CHODL: variants seen among roughly 807,000 people sequenced by gnomAD.
The protein encoded by CHODL is transmembrane protein MT75.
Under a neutral mutation model 34.5 loss-of-function variants are expected in CHODL, and 29 were observed. The ratio of observed to expected loss-of-function variants is 0.84; its 90% CI spans 0.63 to 1.15. The LOEUF (loss-of-function observed/expected upper bound fraction) is 1.15, where lower values mean the gene tolerates loss of function less well. Ranked by LOEUF, CHODL falls within the 50% of genes most tolerant of loss-of-function variation. The probability of loss-of-function intolerance (pLI) is 0.00; values close to 1 mark genes in which losing one functional copy is unlikely to be tolerated. For missense variants in CHODL, 332 were observed against 332.5 expected (o/e 1.00, Z 0.01); for synonymous variants, 125 against 116.1 (o/e 1.08, Z -0.49).
Position 17,939,539 on chromosome 21 carries a change from A to G in CHODL, c.-145+22139A>G, listed in dbSNP as rs562056373. The stretch of plus-strand genomic sequence containing the variant: ...ATTAAATAATAATTAAACAATAAAT[A>G]TAAATGTTGATAAATAAAAAATTAA... On this transcript the variant is annotated intron_variant, in intron 1 of 6. Transcript: ENST00000400127. 4.6e-5 allele frequency among the ~76,000 whole-genome samples: 7 copies of G among 152,348 alleles called. No individual in the cohort carries two copies. The South Asian group carries it at 1.2e-3, about 27-fold the overall frequency.
intron 2 of CHODL, among the ~76,000 whole-genome samples, chr21:18,133,372 G>C (rs1399194333): frequency 6.6e-6 from 1 of 152,118 alleles, no homozygotes; most frequent in Non-Finnish European, 1.5e-5. Context: ...ATACCTAATA[G>C]AAAATTTCTT....
intron 2 of CHODL, among the ~76,000 whole-genome samples, chr21:18,060,181 A>G (rs1474587815): frequency 1.3e-5 from 2 of 152,092 alleles, no homozygotes; most frequent in Non-Finnish European, 2.9e-5. Context: ...CTAGCCAGGC[A>G]TGGTGGCTCA....
chr21:17,926,375 G>T (rs867907310), intron 1 of CHODL, among the ~76,000 whole-genome samples: 1,141 of 60,558 alleles, frequency 0.019, 17 homozygotes, highest in African/African-American at 0.045. Flanking sequence ...AAATAAGGTG[G>T]GTTTTTTTTT....
intron 2 of CHODL, among the ~76,000 whole-genome samples, chr21:18,144,658 A>G (rs1452745202): frequency 2.6e-5 from 4 of 152,148 alleles, no homozygotes; most frequent in Admixed American, 2.0e-4. Context: ...TAATTGCATC[A>G]GGTTATATTG....
chr21:18,120,107 A>T (rs1469897435), intron 2 of CHODL, among the ~76,000 whole-genome samples: 1 of 152,178 alleles, frequency 6.6e-6, no homozygotes, highest in Non-Finnish European at 1.5e-5. Context: ...TCACTGGAGC[A>T]AGGGGCTAAA....
At position 18,194,506 on chromosome 21, in the gene CHODL, G is replaced by A. The variant is rs141269871; in HGVS notation, c.-44-62003G>A. 6.7e-3 allele frequency among the ~76,000 whole-genome samples: 1,006 copies of A among 151,160 alleles called. 11 individuals are homozygous for A. Among genetic ancestry groups the A allele is most frequent in the African/African-American group, 0.023 (946 of 41,166 alleles). ...TCTCACGGCTATTTATTTTATTTAC[G>A]TAAATAAAACTTCTTGTGTTTCAAG... On this transcript the variant is annotated intron_variant, in intron 2 of 6. Transcript: ENST00000400127.
chr21:18,079,871 GA>G (rs1414381957), intron 2 of CHODL, among the ~76,000 whole-genome samples: 1 of 90,400 alleles, frequency 1.1e-5, no homozygotes, highest in Non-Finnish European at 3.4e-5. Flanking sequence ...TTGCTAGATT[GA>G]ATGGCAGTCC....
At chr21:18,225,260 A>T (rs904189844) in intron 2 of CHODL, among the ~76,000 whole-genome samples, 1 of 152,184 alleles carries the variant, frequency 6.6e-6, no homozygotes, top group African/African-American at 2.4e-5. Context: ...AATAAAACTT[A>T]GATTATCTTA....
chr21:17,938,412 A>T (rs1248942610), intron 1 of CHODL, among the ~76,000 whole-genome samples: 1 of 146,240 alleles, frequency 6.8e-6, no homozygotes, highest in Non-Finnish European at 1.5e-5. Flanking sequence ...ATATCTGTAT[A>T]TAGTGCTTAT....
intron 2 of CHODL, among the ~76,000 whole-genome samples, chr21:18,234,561 C>A (rs1183819224): frequency 6.6e-6 from 1 of 151,924 alleles, no homozygotes; most frequent in Non-Finnish European, 1.5e-5. Context: ...TACGCAATAT[C>A]TGGGGTAAAA....
intron 1 of CHODL, among the ~76,000 whole-genome samples, chr21:18,250,957 T>A (rs562962512): frequency 6.6e-6 from 1 of 151,654 alleles, no homozygotes; most frequent in East Asian, 1.9e-4. Context: ...AATATTCATC[T>A]AATATTAATA....
intron 1 of CHODL, among the ~76,000 whole-genome samples, chr21:18,002,875 G>A (rs2063920323): frequency 6.6e-6 from 1 of 152,122 alleles, no homozygotes; most frequent in Admixed American, 6.5e-5. Context: ...TGTAATCCCA[G>A]CACTTTGGGA....
At chr21:18,239,062 G>A (rs867849924) in intron 2 of CHODL, among the ~76,000 whole-genome samples, 9 of 152,012 alleles carry the variant, frequency 5.9e-5, no homozygotes, top group South Asian at 2.1e-4. Flanking sequence ...AACATGCTCC[G>A]TTAAATTTTT....
chr21:17,963,082 T>A (rs868856852), intron 1 of CHODL, among the ~76,000 whole-genome samples: 2,242 of 114,584 alleles, frequency 0.02, 57 homozygotes, highest in African/African-American at 0.07. Flanking sequence ...AAAATAATAA[T>A]AATAATAATA....
chr21:18,021,914 A>C (rs1458124475), intron 1 of CHODL, among the ~76,000 whole-genome samples: 2 of 152,228 alleles, frequency 1.3e-5, no homozygotes, highest in East Asian at 1.9e-4. Context: ...CCTTAAATTC[A>C]TATGTTGAAA....
chr21:18,214,543 A>AT (rs1045593206), intron 2 of CHODL, among the ~76,000 whole-genome samples: 6 of 151,940 alleles, frequency 3.9e-5, no homozygotes, highest in African/African-American at 1.2e-4. Flanking sequence ...CTTCAGAGAG[A>AT]TTTTTTGCCT....
chr21:18,148,396 A>G (rs997727730), intron 2 of CHODL, among the ~76,000 whole-genome samples: 2 of 152,082 alleles, frequency 1.3e-5, no homozygotes, highest in Non-Finnish European at 2.9e-5. Flanking sequence ...CAGCACTTCC[A>G]TTTAATGTAG....
intron 2 of CHODL, among the ~76,000 whole-genome samples, chr21:18,101,972 T>C (rs569422450): frequency 3.9e-4 from 59 of 152,216 alleles, no homozygotes; most frequent in African/African-American, 1.3e-3. Flanking sequence ...GAGAAAATTT[T>C]CAATTAAAGA....
intron 1 of CHODL, among the ~76,000 whole-genome samples, chr21:17,982,696 CTTTTTTTTTTTT>C (rs397867753): frequency 9.5e-5 from 6 of 63,008 alleles, no homozygotes; most frequent in East Asian, 5.2e-4. Context: ...TATATATATT[CTTTTTTTTTTTT>C]TTTTTTTTTT....
Sources: allele counts gnomAD v4.1 joint callset (sites outside exome capture counted in the v4.1 genomes callset), GRCh38; gene constraint gnomAD v4.1.1; transcripts MANE v1.5; gene names NCBI Gene and HGNC (gene_info 2026-07-23, HGNC 2026-07-21).